The following BLVRA variants were observed in gnomAD, a reference collection of about 807,000 sequenced individuals.
BLVRA encodes biliverdin reductase A.
In BLVRA, 22 loss-of-function variants were observed where a neutral mutation model predicts 32.8. The ratio of observed to expected loss-of-function variants is 0.67; its 90% CI spans 0.48 to 0.96. The LOEUF (loss-of-function observed/expected upper bound fraction) is 0.96, where lower values mean the gene tolerates loss of function less well. Ranked by LOEUF, BLVRA falls within the 40% of genes least tolerant of loss-of-function variation. BLVRA has a pLI of 0.00. For synonymous variants in BLVRA, 119 were observed against 141.3 expected, an observed-to-expected ratio of 0.84 and a Z score of 1.12; for missense variants, 323 against 358.1, an observed-to-expected ratio of 0.90 and a Z score of 0.79.
At chr7:43,786,417 TAC>T (rs2095777608) in intron 2 of BLVRA, among the ~76,000 whole-genome samples, 1 of 152,130 alleles carries the variant, frequency 6.6e-6, no homozygotes, top group Admixed American at 6.5e-5. Context: ...AAAGGAGAAA[TAC>T]ACAGTTATAT....
intron 5 of BLVRA, among the ~76,000 whole-genome samples, chr7:43,798,348 T>A (rs2095795140): frequency 1.3e-5 from 2 of 152,150 alleles, no homozygotes; most frequent in Non-Finnish European, 2.9e-5. Flanking sequence ...GAAAGTTACT[T>A]TTTTTCCCTT....
chr7:43,762,432 G>A (rs1339483115), intron 1 of BLVRA, among the ~76,000 whole-genome samples: 1 of 151,764 alleles, frequency 6.6e-6, no homozygotes, highest in Non-Finnish European at 1.5e-5. Flanking sequence ...TTTGCATGTG[G>A]GAAAGAGACT....
intron 2 of BLVRA, among the ~76,000 whole-genome samples, chr7:43,771,661 T>G (rs557884351): frequency 3.3e-5 from 5 of 152,360 alleles, no homozygotes; most frequent in African/African-American, 1.2e-4. Context: ...GCCACTGCTG[T>G]GCTGACGCCC....
At chr7:43,796,958 A>G (rs1215483489) in intron 5 of BLVRA, among the ~76,000 whole-genome samples, 1 of 152,250 alleles carries the variant, frequency 6.6e-6, no homozygotes, top group African/African-American at 2.4e-5. Context: ...AAAGATGCTC[A>G]ATACCACTAA....
chr7:43,799,119 C>T (rs1270531855), intron 5 of BLVRA, among the ~76,000 whole-genome samples: 1 of 152,234 alleles, frequency 6.6e-6, no homozygotes, highest in East Asian at 1.9e-4. Context: ...CCTTTTGCCA[C>T]ATTCACGTCT....
Position 43,807,046 on chromosome 7 carries a change from G to A in BLVRA, c.702G>A (p.Lys234=), listed in dbSNP as rs1334986700. The A allele has an allele frequency of 6.2e-7, 1 of 1,614,186 alleles. No homozygotes were observed. Among genetic ancestry groups the A allele is most frequent in the Admixed American group, 1.7e-5 (1 of 60,018 alleles). The change falls in exon 8 of 8, where the codon AAG becomes AAA. Residue 234 remains lysine (K), a synonymous_variant. Coordinates refer to ENST00000265523, the MANE Select transcript of BLVRA (RefSeq NM_000712.4). ...KRNRYLSFHF[K]SGSLENVPNV... Reference sequence around the variant, plus strand: ...ACAGATATTTAAGCTTCCATTTCAAGTCTGGGTCCTTGGAGAATGTGCCAA... The same window carrying A: ...ACAGATATTTAAGCTTCCATTTCAAATCTGGGTCCTTGGAGAATGTGCCAA...
chr7:43,769,944 G>C (rs375244801), intron 1 of BLVRA, among the ~76,000 whole-genome samples: 1 of 152,200 alleles, frequency 6.6e-6, no homozygotes, highest in African/African-American at 2.4e-5. Context: ...AAGCCTACAC[G>C]ATCACCCATG....
chr7:43,778,947 A>G (rs954769732), intron 2 of BLVRA, among the ~76,000 whole-genome samples: 1 of 152,116 alleles, frequency 6.6e-6, no homozygotes, highest in Non-Finnish European at 1.5e-5. Flanking sequence ...TGGGCATAGG[A>G]CCCGCCGAGC....
At chr7:43,804,100 A>C (rs2132598070) in intron 7 of BLVRA, among the ~76,000 whole-genome samples, 1 of 152,390 alleles carries the variant, frequency 6.6e-6, no homozygotes, top group Middle Eastern at 3.4e-3. Context: ...GAATGCCAGC[A>C]GGTTGCCTAA....
rs757495449 is a variant in BLVRA at position 43,807,238 on chromosome 7, G to C, written c.*3G>C. The C allele has an allele frequency of 6.2e-7, 1 of 1,603,368 alleles. No individual in the cohort carries two copies. Among genetic ancestry groups the C allele is most frequent in the Non-Finnish European group, 8.5e-7 (1 of 1,179,966 alleles). On this transcript the variant is annotated 3_prime_UTR_variant, in exon 8 of 8. Transcript: ENST00000265523. Reference sequence around the variant, plus strand: ...AATATTGCTGTTCAAGGAAGTAAGAGGAGGAGGTGATGTAGCACTTCCAAG... The same window carrying C: ...AATATTGCTGTTCAAGGAAGTAAGACGAGGAGGTGATGTAGCACTTCCAAG...
At chr7:43,765,619 T>G (rs1331060903) in intron 1 of BLVRA, among the ~76,000 whole-genome samples, 3 of 152,222 alleles carry the variant, frequency 2.0e-5, no homozygotes, top group Non-Finnish European at 4.4e-5. Flanking sequence ...GAAGGCTTAT[T>G]AATTCACCCT....
rs11545804 is a variant in BLVRA at position 43,787,906 on chromosome 7, C to T, written c.15C>T (p.Pro5=). The T allele has an allele frequency of 1.3e-4, 205 of 1,614,086 alleles. No homozygotes were observed. Among genetic ancestry groups the T allele is most frequent in the South Asian group, 6.3e-4 (57 of 91,086 alleles). The part of the protein sequence containing the change: MNAE[P]ERKFGVVVVG... ...CACCTTGGTCCCTTGTGTTTCAGCC[C>T]GAGAGGAAGTTTGGCGTGGTGGTGG... The change falls in exon 3 of 8, where the codon CCC becomes CCT. Residue 5 remains proline, a splice_region_variant and synonymous_variant. Coordinates refer to ENST00000265523, the MANE Select transcript of BLVRA (RefSeq NM_000712.4). The surrounding 1 kb of genome is among the most constrained non-coding windows in gnomAD (Gnocchi z 4.5).
chr7:43,787,764 A>G lies in BLVRA; in HGVS notation c.13-140A>G. ...CCCATTTCGGGGACTGTCTCATCCC[A>G]TCCTGATGCTGTGGCTTCCTGTGTG... On this transcript the variant is annotated intron_variant, in intron 2 of 7. Coordinates refer to ENST00000265523, the MANE Select transcript of BLVRA (RefSeq NM_000712.4). The surrounding 1 kb of genome is among the most constrained non-coding windows in gnomAD (Gnocchi z 4.5). The G allele has an allele frequency of 1.5e-6, 2 of 1,334,680 alleles. No individual in the cohort carries two copies. Among genetic ancestry groups the G allele is most frequent in the Non-Finnish European group, 2.1e-6 (2 of 931,742 alleles). 82.7% of individuals were successfully genotyped at this position (1,334,680 alleles called of 1,614,324 possible). A position where few individuals can be genotyped will look rare whatever the true frequency, so the allele number is the denominator to read the frequency against.
At chr7:43,800,338 TG>T in intron 5 of BLVRA, 126 bp from the exon 6 acceptor site, 1 of 872,116 alleles carries the variant, frequency 1.1e-6, no homozygotes, top group Non-Finnish European at 1.9e-6. Context: ...GAGGCCATCC[TG>T]GCCATGTGCC....
chr7:43,766,994 CT>C (rs995267968), intron 1 of BLVRA, among the ~76,000 whole-genome samples: 2 of 152,108 alleles, frequency 1.3e-5, no homozygotes, highest in African/African-American at 4.8e-5. Flanking sequence ...GAACAAAACC[CT>C]GACCCTGAAA....
rs1261666436 is a variant in BLVRA at position 43,788,036 on chromosome 7, A to G, written c.134+11A>G. 4 of 1,614,152 alleles carry G rather than the reference A, an allele frequency of 2.5e-6. No homozygotes were observed. The highest frequency in any genetic ancestry group is 3.4e-6 in the Non-Finnish European group (4 of 1,180,026). ...TGGCTTCGTGTCGAGGTGGCTCACA[A>G]TGTCTTTGTGCTTCATAATTCATGG... On this transcript the variant is annotated intron_variant, in intron 3 of 7. Transcript: ENST00000265523.
chr7:43,793,250 C>T (rs1278361146), intron 5 of BLVRA, among the ~76,000 whole-genome samples: 1 of 151,822 alleles, frequency 6.6e-6, no homozygotes, highest in African/African-American at 2.4e-5. Flanking sequence ...ATGCTAGGAA[C>T]TTGGAAACTC....
chr7:43,784,388 A>G (rs1246432291), intron 2 of BLVRA, among the ~76,000 whole-genome samples: 2 of 151,786 alleles, frequency 1.3e-5, no homozygotes, highest in East Asian at 3.9e-4. Context: ...TCTGCCTCCT[A>G]CTGGTTCCTA....
chr7:43,803,920 G>A, intron 7 of BLVRA, 73 bp downstream of exon 7: 2 of 1,569,312 alleles, frequency 1.3e-6, no homozygotes, highest in South Asian at 1.1e-5. Context: ...TGATCCAAAG[G>A]GAGCCCCGAG....
Sources: gnomAD v4.1 joint callset for allele counts (sites outside exome capture counted in the v4.1 genomes callset) on GRCh38, gnomAD v4.1.1 for gene constraint, Gnocchi (gnomAD v3.1) non-coding constraint, MANE v1.5 for transcripts, NCBI Gene and HGNC (gene_info 2026-07-23, HGNC 2026-07-21) for gene names.